The following SYNPR variants were observed in gnomAD, a reference collection of about 807,000 sequenced individuals.
SYNPR encodes synaptoporin.
A neutral mutation model predicts 32.9 loss-of-function variants in SYNPR; 23 were observed. The observed-to-expected ratio is 0.70, with a 90% confidence interval of 0.50 to 0.99. The LOEUF (loss-of-function observed/expected upper bound fraction) is 0.99. SYNPR is among the 50% of genes least tolerant of loss of function. SYNPR has a pLI of 0.00. For synonymous variants in SYNPR, 146 were observed against 135.9 expected, an observed-to-expected ratio of 1.07 and a Z score of -0.52; for missense variants, 318 against 349.3, an observed-to-expected ratio of 0.91 and a Z score of 0.71.
chr3:63,418,955 A>G (rs1223477667), intron 2 of SYNPR, among the ~76,000 whole-genome samples: 1 of 152,212 alleles, frequency 6.6e-6, no homozygotes, highest in Non-Finnish European at 1.5e-5. Context: ...GGTTTAATAG[A>G]GTCTTAATAA....
At chr3:63,502,480 T>A (rs1701500908) in intron 3 of SYNPR, among the ~76,000 whole-genome samples, 1 of 152,090 alleles carries the variant, frequency 6.6e-6, no homozygotes, top group Admixed American at 6.6e-5. Context: ...TACAATGACA[T>A]ATAATCACCA....
At chr3:63,458,664 A>G (rs1049478132) in intron 2 of SYNPR, among the ~76,000 whole-genome samples, 15 of 151,998 alleles carry the variant, frequency 9.9e-5, no homozygotes, top group Non-Finnish European at 1.9e-4. Context: ...GAGGAAATAG[A>G]TTCCACTTCT....
chr3:63,405,487 T>C (rs946758920), intron 2 of SYNPR, among the ~76,000 whole-genome samples: 1 of 152,078 alleles, frequency 6.6e-6, no homozygotes, highest in Non-Finnish European at 1.5e-5. Flanking sequence ...TCATAAAGGA[T>C]GGAGAAGGCC....
At chr3:63,465,288 A>C (rs1391666524) in intron 2 of SYNPR, among the ~76,000 whole-genome samples, 1 of 152,106 alleles carries the variant, frequency 6.6e-6, no homozygotes, top group Non-Finnish European at 1.5e-5. Context: ...GATTATTAAC[A>C]AAGAAAATTT....
chr3:63,407,809 C>A (rs938930781), intron 2 of SYNPR, among the ~76,000 whole-genome samples: 1 of 151,944 alleles, frequency 6.6e-6, no homozygotes, highest in Non-Finnish European at 1.5e-5. Context: ...TCTGTTTTCC[C>A]ACCCAAGTAC....
chr3:63,610,797 T>G (rs1158499551), intron 5 of SYNPR, among the ~76,000 whole-genome samples: 5 of 152,220 alleles, frequency 3.3e-5, no homozygotes, highest in Non-Finnish European at 7.3e-5. Context: ...CCCAATAAAT[T>G]ATGACGTTCT....
chr3:63,263,140 T>C (rs895173319), intron 2 of SYNPR, among the ~76,000 whole-genome samples: 3 of 152,182 alleles, frequency 2.0e-5, no homozygotes, highest in African/African-American at 7.2e-5. Context: ...TTGCCAAATA[T>C]GCAGTCCTTT....
intron 2 of SYNPR, among the ~76,000 whole-genome samples, chr3:63,452,977 C>T (rs1162531795): frequency 6.6e-6 from 1 of 152,058 alleles, no homozygotes; most frequent in Non-Finnish European, 1.5e-5. Flanking sequence ...AACCTTTAAG[C>T]ATATTTCCAT....
At chr3:63,460,502 G>A (rs189934390) in intron 2 of SYNPR, among the ~76,000 whole-genome samples, 504 of 138,866 alleles carry the variant, frequency 3.6e-3, no homozygotes, top group Non-Finnish European at 5.7e-3. Flanking sequence ...CACTTGAACT[G>A]AGTCTTAAAA....
chr3:63,284,580 C>T (rs756137358), intron 2 of SYNPR, among the ~76,000 whole-genome samples: 3 of 152,134 alleles, frequency 2.0e-5, no homozygotes, highest in Admixed American at 6.5e-5. Context: ...TGCAGCATGT[C>T]GATATGTGAG....
rs987467854 is a variant in SYNPR, at chr3:63,308,453, T to G, written c.84+29711T>G. On this transcript the variant is annotated intron_variant, in intron 2 of 5. Coordinates refer to ENST00000478300, the MANE Select transcript of SYNPR (RefSeq NM_001130003.2). ...AGATCCACATTTCATCTGAAATAAT[T>G]TGCCTTCTGTTTGAGACTTTCTATA... Among the ~76,000 whole-genome samples the G allele has an allele frequency of 2.6e-5, 4 of 152,014 alleles. No homozygotes were observed. In the South Asian group the frequency reaches 8.3e-4, roughly 31 times the overall value.
chr3:63,297,849 A>G (rs961363033), intron 2 of SYNPR, among the ~76,000 whole-genome samples: 1 of 152,060 alleles, frequency 6.6e-6, no homozygotes, highest in African/African-American at 2.4e-5. Flanking sequence ...TTGAGTCATG[A>G]GTCATGGGTC....
chr3:63,340,644 C>A (rs1200675809), intron 2 of SYNPR, among the ~76,000 whole-genome samples: 1 of 152,010 alleles, frequency 6.6e-6, no homozygotes, highest in Non-Finnish European at 1.5e-5. Flanking sequence ...TGGTCTCGAT[C>A]TCCTGACCTC....
chr3:63,387,378 T>C (rs1334326862), intron 2 of SYNPR, among the ~76,000 whole-genome samples: 2 of 152,176 alleles, frequency 1.3e-5, no homozygotes, highest in African/African-American at 2.4e-5. Flanking sequence ...TCATATCTCT[T>C]AACCTTTAGA....
the SYNPR span, among the ~76,000 whole-genome samples, chr3:63,200,612 A>T: frequency 6.6e-6 from 1 of 152,176 alleles, no homozygotes; most frequent in African/African-American, 2.4e-5. Flanking sequence ...GAGGAAACGG[A>T]AACTCATGAA....
At chr3:63,238,223 T>C (rs182517852) in intron 1 of SYNPR, among the ~76,000 whole-genome samples, 51 of 152,264 alleles carry the variant, frequency 3.3e-4, no homozygotes, top group African/African-American at 1.1e-3. Flanking sequence ...TTGTGCCATT[T>C]CCAGGGTTTA....
the SYNPR span, among the ~76,000 whole-genome samples, chr3:63,223,044 A>G: frequency 2.8e-4 from 43 of 152,266 alleles, no homozygotes; most frequent in South Asian, 8.5e-3. Flanking sequence ...ATCTTATGAA[A>G]CTGTCATCTC....
rs368455821 is a variant in SYNPR at position 63,465,890 on chromosome 3, C to T, written c.85-14942C>T. Among the ~76,000 whole-genome samples the T allele has an allele frequency of 4.6e-5, 7 of 151,914 alleles. No individual in the cohort carries two copies. In the East Asian group the frequency reaches 1.4e-3, roughly 29 times the overall value. On this transcript the variant is annotated intron_variant, in intron 2 of 5. Transcript: ENST00000478300. ...ACACATTGTAATTGGTTGATACGTC[C>T]CTTAAGACCTTTTTGGTTTTTTAAC...
At chr3:63,395,561 AT>A (rs2088200633) in intron 2 of SYNPR, among the ~76,000 whole-genome samples, 1 of 152,208 alleles carries the variant, frequency 6.6e-6, no homozygotes, top group African/African-American at 2.4e-5. Flanking sequence ...AATGGACATG[AT>A]GAGGTTCAGA....
Sources: gnomAD v4.1 joint callset for allele counts (sites outside exome capture counted in the v4.1 genomes callset) on GRCh38, gnomAD v4.1.1 for gene constraint, MANE v1.5 for transcripts, NCBI Gene and HGNC (gene_info 2026-07-23, HGNC 2026-07-21) for gene names.